Variants in LRFN2 observed in about 807,000 individuals in gnomAD.
LRFN2 encodes the protein leucine rich repeat and fibronectin type III domain containing 2.
LRFN2 carries 18 observed loss-of-function variants against 37.3 expected under a neutral mutation model. The observed-to-expected ratio is 0.48, with a 90% CI of 0.33 to 0.72. LRFN2 has a LOEUF of 0.72. Ranked by LOEUF, LRFN2 falls within the 30% of genes least tolerant of loss-of-function variation. The probability of loss-of-function intolerance (pLI) is 0.02; values close to 1 mark genes in which losing one functional copy is unlikely to be tolerated. For synonymous variants in LRFN2, 556 were observed against 466.6 expected (o/e 1.19, Z -2.47); for missense variants, 1,006 against 1,060.7 (o/e 0.95, Z 0.72).
At chr6:40,481,329 G>A (rs1764825906) in intron 1 of LRFN2, among the ~76,000 whole-genome samples, 1 of 151,850 alleles carries the variant, frequency 6.6e-6, no homozygotes, top group Admixed American at 6.6e-5. Flanking sequence ...CAGCTACTCA[G>A]GAGGCTGAGG....
intron 1 of LRFN2, among the ~76,000 whole-genome samples, chr6:40,443,201 C>G (rs1027932628): frequency 6.6e-6 from 1 of 152,160 alleles, no homozygotes; most frequent in Non-Finnish European, 1.5e-5. Flanking sequence ...GAATCCTCAC[C>G]TGTTGGCCAA....
chr6:40,420,486 C>A (rs538916238), intron 2 of LRFN2, among the ~76,000 whole-genome samples: 31 of 152,356 alleles, frequency 2.0e-4, no homozygotes, highest in South Asian at 1.0e-3. Context: ...GCTTCCCCCC[C>A]AGGCTGGCCT....
chr6:40,492,018 C>A (rs1765105443), intron 1 of LRFN2, among the ~76,000 whole-genome samples: 1 of 145,332 alleles, frequency 6.9e-6, no homozygotes, highest in African/African-American at 2.6e-5. Flanking sequence ...CTTACCCTCT[C>A]TGAGTGTCTG....
intron 1 of LRFN2, among the ~76,000 whole-genome samples, chr6:40,569,547 T>C (rs1255927384): frequency 3.9e-5 from 6 of 152,108 alleles, no homozygotes; most frequent in South Asian, 2.1e-4. Context: ...GGCATAGTGG[T>C]TGGGGGCAGG....
At chr6:40,579,270 C>T (rs562448628) in intron 1 of LRFN2, among the ~76,000 whole-genome samples, 64 of 152,266 alleles carry the variant, frequency 4.2e-4, no homozygotes, top group African/African-American at 1.3e-3. Context: ...GGGGCTCTAG[C>T]CTCAGCTCCC....
Position 40,392,234 on chromosome 6 carries a change from C to G in LRFN2, c.2079G>C (p.Ser693=). Residue 693 remains serine, a synonymous_variant, in exon 3 of 3, where the codon TCG becomes TCC. Coordinates refer to ENST00000338305, the MANE Select transcript of LRFN2 (RefSeq NM_020737.3). This position sits in a 1 kb window ranked among gnomAD's most constrained non-coding sequence, Gnocchi z 4.7. ...GGGGCCCCAGCAGTGGCTCTCGGTC[C>G]GAGTGGTGGCCCCGGGCCGACGTCC... ...GAGTSARGHH[S]DREPLLGPPA... The G allele has an allele frequency of 1.3e-6, 2 of 1,571,660 alleles. No individual in the cohort carries two copies. The highest frequency in any genetic ancestry group is 1.7e-6 in the Non-Finnish European group (2 of 1,161,388).
At chr6:40,401,840 T>A (rs1762747971) in intron 2 of LRFN2, among the ~76,000 whole-genome samples, 1 of 152,020 alleles carries the variant, frequency 6.6e-6, no homozygotes, top group Admixed American at 6.6e-5. Flanking sequence ...TGCTCTGTCC[T>A]CTCCTCCCTC....
intron 2 of LRFN2, among the ~76,000 whole-genome samples, chr6:40,424,642 A>C (rs1013885349): frequency 4.6e-5 from 7 of 152,124 alleles, no homozygotes; most frequent in African/African-American, 1.7e-4. Context: ...GGCTCTGACC[A>C]AGGAGCTGCC....
intron 1 of LRFN2, among the ~76,000 whole-genome samples, chr6:40,442,787 T>C (rs1763870148): frequency 6.6e-6 from 1 of 152,162 alleles, no homozygotes; most frequent in Non-Finnish European, 1.5e-5. Flanking sequence ...CTCTCCTCAC[T>C]GCATGGGGCC....
chr6:40,580,907 G>A (rs1010322271), intron 1 of LRFN2, among the ~76,000 whole-genome samples: 2 of 152,196 alleles, frequency 1.3e-5, no homozygotes, highest in Non-Finnish European at 2.9e-5. Flanking sequence ...GAACGTATGT[G>A]TTAGTGTGAG....
In LRFN2 at chr6:40,394,547, C is replaced by T. The variant is rs919664483; in HGVS notation, c.1401-1635G>A. Among the ~76,000 whole-genome samples, 5 of 152,166 alleles carry T rather than the reference C, an allele frequency of 3.3e-5. No homozygotes were observed. The South Asian group carries it at 6.2e-4, about 19-fold the overall frequency. ...AACTGACAGACAGATATTGACATCC[C>T]GTCAGTGGGCAACCCCAGTGGCTGC... On this transcript the variant is annotated intron_variant, in intron 2 of 2. Transcript: ENST00000338305.
In LRFN2 at chr6:40,474,112, G is replaced by C. The variant is rs112074396; in HGVS notation, c.-18-40981C>G. ...CTAATAGGTATAGTGGGGGAAACCT[G>C]GGCACCTTCTCAGGTAAGTCGAGAG... On this transcript the variant is annotated intron_variant, in intron 1 of 2. Coordinates refer to ENST00000338305, the MANE Select transcript of LRFN2 (RefSeq NM_020737.3). Among the ~76,000 whole-genome samples, 239 of 152,194 alleles carry C rather than the reference G, an allele frequency of 1.6e-3. 4 individuals carry two copies. Among genetic ancestry groups the C allele is most frequent in the African/African-American group, 5.5e-3 (228 of 41,522 alleles).
intron 1 of LRFN2, among the ~76,000 whole-genome samples, chr6:40,555,765 T>A (rs1200641978): frequency 6.6e-6 from 1 of 151,956 alleles, no homozygotes; most frequent in Non-Finnish European, 1.5e-5. Flanking sequence ...ACTGAGTAGA[T>A]GAGATTCAGT....
At chr6:40,567,834 G>A (rs950925270) in intron 1 of LRFN2, among the ~76,000 whole-genome samples, 1 of 152,074 alleles carries the variant, frequency 6.6e-6, no homozygotes, top group Non-Finnish European at 1.5e-5. Flanking sequence ...GGAGGTGCTG[G>A]TGAGGCGGCA....
chr6:40,532,775 C>T (rs1236916452), intron 1 of LRFN2, among the ~76,000 whole-genome samples: 1 of 152,206 alleles, frequency 6.6e-6, no homozygotes, highest in Non-Finnish European at 1.5e-5. Flanking sequence ...ACATGTCTGC[C>T]TCTCCAACTG....
intron 1 of LRFN2, among the ~76,000 whole-genome samples, chr6:40,445,516 T>C (rs1056159857): frequency 6.6e-6 from 1 of 152,092 alleles, no homozygotes; most frequent in Non-Finnish European, 1.5e-5. Context: ...GAATGATAGG[T>C]GGTAGGATTT....
chr6:40,414,684 TTAA>T (rs1763056147), intron 2 of LRFN2, among the ~76,000 whole-genome samples: 1 of 152,228 alleles, frequency 6.6e-6, no homozygotes, highest in South Asian at 2.1e-4. Context: ...GCAAAATTTG[TTAA>T]TGTTTTATTG....
In LRFN2 at chr6:40,499,496, C is replaced by T. The variant is rs182036207; in HGVS notation, c.-18-66365G>A. Among the ~76,000 whole-genome samples the T allele has an allele frequency of 6.6e-5, 10 of 152,268 alleles. No individual in the cohort carries two copies. In the East Asian group the frequency reaches 1.7e-3, roughly 26 times the overall value. On this transcript the variant is annotated intron_variant, in intron 1 of 2. Coordinates refer to ENST00000338305, the MANE Select transcript of LRFN2 (RefSeq NM_020737.3). The stretch of plus-strand genomic sequence containing the variant: ...GGAGAAGATTTCTGCAACACAGTTT[C>T]AGGAAAAATAGCAGACACTCAGCAA...
intron 1 of LRFN2, among the ~76,000 whole-genome samples, chr6:40,487,830 C>A (rs1765000469): frequency 6.6e-6 from 1 of 152,216 alleles, no homozygotes; most frequent in South Asian, 2.1e-4. Context: ...GTATCCTGTG[C>A]CTTTCATCCA....
Sources: gnomAD v4.1 joint callset for allele counts (sites outside exome capture counted in the v4.1 genomes callset) on GRCh38, gnomAD v4.1.1 for gene constraint, Gnocchi (gnomAD v3.1) non-coding constraint, MANE v1.5 for transcripts, NCBI Gene and HGNC (gene_info 2026-07-23, HGNC 2026-07-21) for gene names.